The following SRPK2 variants were observed in gnomAD, a reference collection of about 807,000 sequenced individuals.
SRPK2 encodes the protein SFRS protein kinase 2.
A neutral mutation model predicts 90.8 loss-of-function variants in SRPK2; 21 were observed. That is an observed-to-expected ratio of 0.23 (90% CI 0.16 to 0.33). SRPK2 has a LOEUF of 0.33. Ranked by LOEUF, SRPK2 falls within the 10% of genes least tolerant of loss-of-function variation. The pLI is 1.00. For missense variants in SRPK2, 620 were observed against 869.0 expected (o/e 0.71, Z 3.60); for synonymous variants, 288 against 311.1 (o/e 0.93, Z 0.78).
At position 105,277,280 on chromosome 7, in the gene SRPK2, G is replaced by C. The variant is rs560682490; in HGVS notation, c.72-73495C>G. On this transcript the variant is annotated intron_variant, in intron 2 of 15. Transcript: ENST00000393651. The stretch of plus-strand genomic sequence containing the variant: ...TTTAGGAGAGATGGTGTTTCACTGT[G>C]TTAGCCGGGATGGTCTTGATCTCCT... 3.9e-4 allele frequency among the ~76,000 whole-genome samples: 60 copies of C among 152,186 alleles called. No homozygotes were observed. In the South Asian group the frequency reaches 0.012, roughly 31 times the overall value.
chr7:105,201,001 C>T (rs1475776600), intron 3 of SRPK2, among the ~76,000 whole-genome samples: 1 of 152,136 alleles, frequency 6.6e-6, no homozygotes, highest in Non-Finnish European at 1.5e-5. Context: ...GGAGAATGTA[C>T]TTGATTGTAG....
intron 2 of SRPK2, among the ~76,000 whole-genome samples, chr7:105,214,625 T>A (rs1228971236): frequency 2.0e-5 from 3 of 152,158 alleles, no homozygotes; most frequent in Non-Finnish European, 4.4e-5. Context: ...GTCACAATAA[T>A]AAAGTACATA....
intron 2 of SRPK2, among the ~76,000 whole-genome samples, chr7:105,318,021 T>C (rs1812499529): frequency 2.0e-5 from 3 of 152,128 alleles, no homozygotes; most frequent in Admixed American, 2.0e-4. Context: ...CCTCATAAAG[T>C]GCTGGGATTA....
At chr7:105,388,395 G>C (rs889514912) in intron 2 of SRPK2, among the ~76,000 whole-genome samples, 1 of 149,164 alleles carries the variant, frequency 6.7e-6, no homozygotes, top group African/African-American at 2.4e-5. Context: ...CCGCCGGCCG[G>C]TGGCGACCCG....
chr7:105,389,197 G>C (rs1446193570), upstream of SRPK2: 9 of 1,121,574 alleles, frequency 8.0e-6, no homozygotes, highest in East Asian at 2.1e-4. Flanking sequence ...CCCGGGCACC[G>C]GACCCGCGGG....
intron 2 of SRPK2, among the ~76,000 whole-genome samples, chr7:105,290,891 G>A (rs10247799): frequency 0.7 from 97,105 of 137,752 alleles, 34,708 homozygotes; most frequent in African/African-American, 0.83. Context: ...ACAAAAAATT[G>A]GCCGGGCGCG....
At chr7:105,264,345 A>C (rs1804752605) in intron 2 of SRPK2, among the ~76,000 whole-genome samples, 1 of 152,214 alleles carries the variant, frequency 6.6e-6, no homozygotes, top group Non-Finnish European at 1.5e-5. Context: ...AGAAGAGAAC[A>C]ATTAAAATAC....
intron 2 of SRPK2, among the ~76,000 whole-genome samples, chr7:105,276,269 G>T (rs73186041): frequency 1.3e-5 from 2 of 151,196 alleles, no homozygotes; most frequent in Admixed American, 6.6e-5. Context: ...GGTAGAGACA[G>T]GGTCTCGCTA....
At chr7:105,378,174 T>C (rs1036752406) in intron 2 of SRPK2, among the ~76,000 whole-genome samples, 3 of 152,170 alleles carry the variant, frequency 2.0e-5, no homozygotes, top group African/African-American at 7.2e-5. Context: ...TTCTTCGGCA[T>C]GGAAGGTCCT....
At chr7:105,306,688 T>C (rs1395842220) in intron 2 of SRPK2, 11 of 340,422 alleles carry the variant, frequency 3.2e-5, no homozygotes, top group Admixed American at 4.4e-5. Context: ...CATTTACAAA[T>C]ATCTTTATCT....
chr7:105,201,486 A>G (rs1795545984), intron 3 of SRPK2, among the ~76,000 whole-genome samples: 3 of 152,154 alleles, frequency 2.0e-5, no homozygotes, highest in Admixed American at 2.0e-4. Context: ...AGAGATAGTA[A>G]GGGGATGAGA....
chr7:105,132,953 C>G (rs1327882717), intron 12 of SRPK2, 51 bp downstream of exon 12: 2 of 1,613,200 alleles, frequency 1.2e-6, no homozygotes, highest in African/African-American at 1.3e-5. Flanking sequence ...CAAAAAGTGT[C>G]TTCGCACACA....
At chr7:105,201,692 A>G (rs1419566070) in intron 3 of SRPK2, among the ~76,000 whole-genome samples, 2 of 151,936 alleles carry the variant, frequency 1.3e-5, no homozygotes, top group East Asian at 3.9e-4. Flanking sequence ...TGCAGTTCCA[A>G]CTGCTCAGGA....
rs970171308 is a variant in SRPK2, at chr7:105,126,005, C to T, written c.1915+243G>A. 109 of 643,224 alleles carry T rather than the reference C, an allele frequency of 1.7e-4. 1 individual carries two copies. Among genetic ancestry groups the T allele is most frequent in the African/African-American group, 3.7e-5 (2 of 54,740 alleles). 39.8% of individuals were successfully genotyped at this position (643,224 alleles called of 1,614,324 possible). A position where few individuals can be genotyped will look rare whatever the true frequency, so the allele number is the denominator to read the frequency against. On this transcript the variant is annotated intron_variant, in intron 15 of 15. Transcript: ENST00000393651. ...TTGAATGACCAAAAGTACAGGCCTT[C>T]CTCGCGTTGCTGGATTCAGGATCCA...
chr7:105,369,125 T>TTTATTATTA (rs10593124), intron 2 of SRPK2, among the ~76,000 whole-genome samples: 7,394 of 143,260 alleles, frequency 0.052, 238 homozygotes, highest in East Asian at 0.15. Flanking sequence ...CAAGATTTAT[T>TTTATTATTA]TTATTATTAT....
intron 2 of SRPK2, among the ~76,000 whole-genome samples, chr7:105,261,317 C>T (rs1477207058): frequency 6.6e-6 from 1 of 152,004 alleles, no homozygotes; most frequent in Non-Finnish European, 1.5e-5. Flanking sequence ...GTCAGGAGAT[C>T]GAGACCATCC....
chr7:105,220,388 G>A lies in SRPK2; in HGVS notation c.72-16603C>T, dbSNP rs906416587. ...CTAAAAATACAAAAATTAGCTGGGC[G>A]TGGTGGCGCACACCTGTATCCCAGT... On this transcript the variant is annotated intron_variant, in intron 2 of 15. Transcript: ENST00000393651. Among the ~76,000 whole-genome samples, 8 of 152,192 alleles carry A rather than the reference G, an allele frequency of 5.3e-5. No individual in the cohort carries two copies. In the East Asian group the frequency reaches 9.7e-4, roughly 18 times the overall value.
Position 105,244,787 on chromosome 7 carries a change from G to C in SRPK2, c.72-41002C>G, listed in dbSNP as rs1315237721. On this transcript the variant is annotated intron_variant, in intron 2 of 15. Transcript: ENST00000393651. ...CAAGTTTGTGCGGGACATGATCCCG[G>C]AGGCATGTGGCTTCGCCCCGTACAA... 1.4e-5 allele frequency: 14 copies of C among 969,674 alleles called. No homozygotes were observed. In the Admixed American group the frequency reaches 2.2e-4, roughly 15 times the overall value. 60.1% of individuals were successfully genotyped at this position (969,674 alleles called of 1,614,324 possible).
Position 105,388,875 on chromosome 7 carries a change from C to T in SRPK2, c.-69G>A. ...GCGGGCGCCGAGACGAGCTGGGCTG[C>T]AGCCTCCACTCGCTCCGCCGGCCGG... is the stretch of plus-strand genomic sequence containing the variant. On this transcript the variant is annotated 5_prime_UTR_variant, in exon 1 of 16. Transcript: ENST00000393651. 15 of 1,272,358 alleles carry T rather than the reference C, an allele frequency of 1.2e-5. No individual in the cohort carries two copies. The highest frequency in any genetic ancestry group is 1.5e-5 in the Non-Finnish European group (15 of 1,014,156). The allele number at this position is 1,272,358 out of a possible 1,614,324, so 78.8% of individuals were successfully genotyped here.
Sources: allele counts gnomAD v4.1 joint callset (sites outside exome capture counted in the v4.1 genomes callset), GRCh38; gene constraint gnomAD v4.1.1; transcripts MANE v1.5; gene names NCBI Gene and HGNC (gene_info 2026-07-23, HGNC 2026-07-21).